The following RANBP3L variants were observed in gnomAD, a reference collection of about 807,000 sequenced individuals.
The protein encoded by RANBP3L is RAN binding protein 3 like.
Under a neutral mutation model 67.2 loss-of-function variants are expected in RANBP3L, and 56 were observed. That is an observed-to-expected ratio of 0.83 (90% CI 0.67 to 1.04). RANBP3L has a LOEUF of 1.04. Ranked by LOEUF, RANBP3L falls within the 50% of genes least tolerant of loss-of-function variation. RANBP3L has a pLI of 0.00. For synonymous variants in RANBP3L, 164 were observed against 181.4 expected, an observed-to-expected ratio of 0.90 and a Z score of 0.77; for missense variants, 496 against 535.5, an observed-to-expected ratio of 0.93 and a Z score of 0.73.
chr5:36,257,169 T>C, intron 9 of RANBP3L, 98 bp from the exon 10 acceptor site: 1 of 1,001,650 alleles, frequency 1.0e-6, no homozygotes, highest in Admixed American at 2.8e-5. Flanking sequence ...ACTTGGCTTC[T>C]TCTAGTAGTA....
At chr5:36,270,964 GTCC>G (rs1487000487) in intron 2 of RANBP3L, among the ~76,000 whole-genome samples, 1 of 152,162 alleles carries the variant, frequency 6.6e-6, no homozygotes, top group African/African-American at 2.4e-5. Flanking sequence ...AGGAGCTATA[GTCC>G]TCCTAATCTC....
intron 1 of RANBP3L, among the ~76,000 whole-genome samples, chr5:36,281,626 A>G (rs886140181): frequency 3.3e-5 from 5 of 152,078 alleles, no homozygotes; most frequent in Non-Finnish European, 7.4e-5. Flanking sequence ...ACATGATCCT[A>G]TATTGTGTGA....
chr5:36,283,397 T>TTA (rs1751107942), intron 1 of RANBP3L, among the ~76,000 whole-genome samples: 1 of 58,100 alleles, frequency 1.7e-5, no homozygotes, highest in African/African-American at 4.3e-5. Context: ...ATGAAAAATG[T>TTA]TACAAAAAAA....
At chr5:36,265,660 G>C (rs1749715236) in intron 4 of RANBP3L, 140 bp from the exon 5 acceptor site, 1 of 477,146 alleles carries the variant, frequency 2.1e-6, no homozygotes, top group South Asian at 3.4e-5. Context: ...GTGCCCTCTG[G>C]AGCACTGGCT....
Position 36,248,786 on chromosome 5 carries a change from A to G in RANBP3L, c.*868T>C, listed in dbSNP as rs955425545. ...ATGAGGTGTCTCTGAAACAAATCGC[A>G]AAGAAGAGGATCAAAACTCTATTGT... is the stretch of plus-strand genomic sequence containing the variant. On this transcript the variant is annotated 3_prime_UTR_variant, in exon 14 of 14. Transcript: ENST00000296604. 1 of 152,202 alleles carries G rather than the reference A, an allele frequency of 6.6e-6. No homozygotes were observed. The highest frequency in any genetic ancestry group is 6.5e-5 in the Admixed American group (1 of 15,290). 9.4% of individuals were successfully genotyped at this position (152,202 alleles called of 1,614,324 possible).
chr5:36,255,556 GT>G lies in RANBP3L; in HGVS notation c.937del (p.Thr313HisfsTer12). The G allele has an allele frequency of 2.5e-6, 4 of 1,610,208 alleles. No homozygotes were observed. Among genetic ancestry groups the G allele is most frequent in the Non-Finnish European group, 3.4e-6 (4 of 1,177,360 alleles). On this transcript the variant is annotated frameshift_variant, in exon 11 of 14. Coordinates refer to ENST00000296604, the MANE Select transcript of RANBP3L (RefSeq NM_145000.5). LOFTEE classifies it high-confidence loss of function. ...NCKLFIFNKT[T>X]QSWIERGRGT... The stretch of plus-strand genomic sequence containing the variant: ...TCTGCCCCTTTCAATCCAGGATTGT[GT>G]TGTTTTGTTGAATATGAAAAGCTTG...
At chr5:36,296,663 C>T (rs527595485) in intron 1 of RANBP3L, among the ~76,000 whole-genome samples, 2 of 152,094 alleles carry the variant, frequency 1.3e-5, no homozygotes. Context: ...AATACCTGCT[C>T]GTGATTATTA....
chr5:36,269,874 C>A, intron 3 of RANBP3L, 77 bp downstream of exon 3: 1 of 1,171,450 alleles, frequency 8.5e-7, no homozygotes. Context: ...TAGTCTGTGC[C>A]ACATGCCAAA....
In RANBP3L at chr5:36,279,951, A is replaced by G. The variant is rs544297861; in HGVS notation, c.92-8640T>C. On this transcript the variant is annotated intron_variant, in intron 1 of 13. Transcript: ENST00000296604. ...GAAAGCAGTTATTTTCAGAATGGAA[A>G]TCATTTCACAAGAAGAAATTGGAGA... Among the ~76,000 whole-genome samples, 6 of 152,286 alleles carry G rather than the reference A, an allele frequency of 3.9e-5. No individual in the cohort carries two copies. The South Asian group carries it at 1.2e-3, about 32-fold the overall frequency.
chr5:36,260,196 A>G (rs1018079450), intron 8 of RANBP3L, among the ~76,000 whole-genome samples: 2 of 105,026 alleles, frequency 1.9e-5, no homozygotes, highest in Non-Finnish European at 4.5e-5. Flanking sequence ...TACTAAAAAT[A>G]CAAAAAAAAA....
intron 1 of RANBP3L, among the ~76,000 whole-genome samples, chr5:36,280,124 C>G (rs1750870777): frequency 1.3e-5 from 2 of 152,290 alleles, no homozygotes; most frequent in African/African-American, 2.4e-5. Flanking sequence ...AGACTCAACT[C>G]TCTCCTCCAC....
At chr5:36,265,307 C>T in intron 5 of RANBP3L, 142 bp downstream of exon 5, 1 of 675,238 alleles carries the variant, frequency 1.5e-6, no homozygotes, top group Non-Finnish European at 2.5e-6. Flanking sequence ...GATCATGAAA[C>T]CTGGCTTACT....
chr5:36,251,163 CCA>C, intron 13 of RANBP3L, 148 bp downstream of exon 13: 2 of 540,150 alleles, frequency 3.7e-6, no homozygotes, highest in South Asian at 8.0e-5. Context: ...ATTTTCAAAC[CCA>C]CTCCTCAGAT....
intron 1 of RANBP3L, among the ~76,000 whole-genome samples, chr5:36,296,930 A>G (rs1752257925): frequency 6.6e-6 from 1 of 152,152 alleles, no homozygotes; most frequent in South Asian, 2.1e-4. Flanking sequence ...GCAGCCTGTC[A>G]GTCTACACTG....
In RANBP3L at chr5:36,301,512, A is replaced by G. The variant is rs1448845061; in HGVS notation, c.-96T>C. 11 of 820,928 alleles carry G rather than the reference A, an allele frequency of 1.3e-5. No individual in the cohort carries two copies. The highest frequency in any genetic ancestry group is 4.2e-5 in the South Asian group (3 of 71,204). 50.9% of individuals were successfully genotyped at this position (820,928 alleles called of 1,614,324 possible). A position where few individuals can be genotyped will look rare whatever the true frequency, so the allele number is the denominator to read the frequency against. ...GCCTTCACCAGACACCCAGAAATAC[A>G]TAGATTCATGCAGATCTTGTCTTTG... On this transcript the variant is annotated 5_prime_UTR_variant, in exon 1 of 14. An upstream start codon of the reference 5' UTR is lost. Coordinates refer to ENST00000296604, the MANE Select transcript of RANBP3L (RefSeq NM_145000.5).
chr5:36,260,921 A>G (rs577527503), intron 7 of RANBP3L, 57 bp from the exon 8 acceptor site: 8 of 709,888 alleles, frequency 1.1e-5, no homozygotes, highest in Non-Finnish European at 1.7e-5. Context: ...GCCATTTTAA[A>G]CCTTGAAATA....
chr5:36,294,448 T>C (rs959525179), intron 1 of RANBP3L, among the ~76,000 whole-genome samples: 2 of 152,122 alleles, frequency 1.3e-5, no homozygotes, highest in Admixed American at 1.3e-4. Context: ...TGCTAGCTTT[T>C]GAATGTGTTT....
chr5:36,283,060 T>G (rs1036987622), intron 1 of RANBP3L, among the ~76,000 whole-genome samples: 5 of 152,112 alleles, frequency 3.3e-5, no homozygotes, highest in African/African-American at 1.2e-4. Flanking sequence ...ACTTGAAAAA[T>G]TCCCAGGAAA....
intron 1 of RANBP3L, 121 bp downstream of exon 1, chr5:36,301,205 C>A: frequency 2.8e-6 from 2 of 725,164 alleles, no homozygotes; most frequent in Non-Finnish European, 2.5e-6. Context: ...AGTTAACCCA[C>A]CCTTATGCAT....
Sources: gnomAD v4.1 joint callset for allele counts (sites outside exome capture counted in the v4.1 genomes callset) on GRCh38, gnomAD v4.1.1 for gene constraint, MANE v1.5 for transcripts, NCBI Gene and HGNC (gene_info 2026-07-23, HGNC 2026-07-21) for gene names.